OTOF: variants seen among roughly 807,000 people sequenced by gnomAD.
OTOF encodes the protein otoferlin.
In OTOF, 218 loss-of-function variants were observed where a neutral mutation model predicts 236.8. That is an observed-to-expected ratio of 0.92 (90% CI 0.82 to 1.03). The LOEUF is 1.03. Ranked by LOEUF, OTOF falls within the 50% of genes least tolerant of loss-of-function variation. OTOF has a pLI of 0.00. For synonymous variants in OTOF, 1,041 were observed against 1,072.5 expected (o/e 0.97, Z 0.57); for missense variants, 2,590 against 2,694.4 (o/e 0.96, Z 0.86).
In OTOF at chr2:26,479,599, C is replaced by A. The variant is rs541334463; in HGVS notation, c.1967G>T (p.Arg656Leu). Reference sequence around the variant, plus strand: ...TTCTTCCTCATCCCCCGGCTCCTTCCGGGGCCGAGGCCGCTGGGGCCGGGA... The same window carrying A: ...TTCTTCCTCATCCCCCGGCTCCTTCAGGGGCCGAGGCCGCTGGGGCCGGGA... ...GLSRPQRPRP[R>L]KEPGDEEEVD... The change falls in exon 17 of 47, where the codon CGG (arginine) becomes CTG (leucine). Residue 656 changes from arginine to leucine, a missense_variant. Transcript: ENST00000272371. 1 of 1,612,610 alleles carries A rather than the reference C, an allele frequency of 6.2e-7. No individual in the cohort carries two copies.
At chr2:26,552,692 G>C (rs6547103) in intron 1 of OTOF, among the ~76,000 whole-genome samples, 78,712 of 152,014 alleles carry the variant, frequency 0.52, 22,636 homozygotes, top group East Asian at 0.89. Flanking sequence ...CATTCACTAC[G>C]TGGGGCATTA....
At chr2:26,553,651 C>T (rs1407037984) in intron 1 of OTOF, among the ~76,000 whole-genome samples, 1 of 152,316 alleles carries the variant, frequency 6.6e-6, no homozygotes, top group East Asian at 1.9e-4. Context: ...GCCTTTGATC[C>T]TGCCAATGAA....
chr2:26,499,732 C>A (rs1181039900), intron 8 of OTOF, among the ~76,000 whole-genome samples: 1 of 151,996 alleles, frequency 6.6e-6, no homozygotes, highest in African/African-American at 2.4e-5. Flanking sequence ...GCTGGTCTTG[C>A]AATCCACTCA....
intron 3 of OTOF, among the ~76,000 whole-genome samples, chr2:26,524,996 G>A (rs1218575386): frequency 6.6e-6 from 1 of 152,180 alleles, no homozygotes; most frequent in Non-Finnish European, 1.5e-5. Flanking sequence ...CACTTGGTCT[G>A]TGTGTGAGCC....
At chr2:26,544,489 T>C (rs926303091) in intron 1 of OTOF, among the ~76,000 whole-genome samples, 6 of 152,202 alleles carry the variant, frequency 3.9e-5, no homozygotes, top group African/African-American at 7.2e-5. Context: ...TTGTGATTCA[T>C]CCATGTTGTT....
chr2:26,527,873 C>T lies in OTOF; in HGVS notation c.186G>A (p.Leu62=). The T allele has an allele frequency of 6.2e-7, 1 of 1,614,112 alleles. No individual in the cohort carries two copies. Among genetic ancestry groups the T allele is most frequent in the Non-Finnish European group, 8.5e-7 (1 of 1,179,982 alleles). The change falls in exon 3 of 47, where the codon CTG becomes CTA. Residue 62 remains leucine, a synonymous_variant. Coordinates refer to ENST00000272371, the MANE Select transcript of OTOF (RefSeq NM_194248.3). ...TGCTGTAGTTGAAAACCTGAATCTC[C>T]AGCATCTCATTTCTGTCGATGCTGC... is the stretch of plus-strand genomic sequence containing the variant. ...VASSIDRNEM[L]EIQVFNYSKV...
rs1413733356 is a variant in OTOF at position 26,558,653 on chromosome 2, C to T, written c.-82G>A. 8.2e-6 allele frequency: 10 copies of T among 1,220,466 alleles called. No individual in the cohort carries two copies. Among genetic ancestry groups the T allele is most frequent in the African/African-American group, 3.0e-5 (2 of 66,992 alleles). 75.6% of individuals were successfully genotyped at this position (1,220,466 alleles called of 1,614,324 possible). On this transcript the variant is annotated 5_prime_UTR_variant, in exon 1 of 47. Coordinates refer to ENST00000272371, the MANE Select transcript of OTOF (RefSeq NM_194248.3). Reference sequence around the variant, plus strand: ...TGGAGCACGGCTCACACGCCTCTCTCTTCTCTGCCGCTGCCTCCTCCTCCT... The same window carrying T: ...TGGAGCACGGCTCACACGCCTCTCTTTTCTCTGCCGCTGCCTCCTCCTCCT...
At chr2:26,495,136 A>G in intron 8 of OTOF, 63 bp from the exon 9 acceptor site, 1 of 1,585,846 alleles carries the variant, frequency 6.3e-7, no homozygotes, top group South Asian at 1.1e-5. Context: ...CTGGTCCCGC[A>G]GGGGTCCAGG....
chr2:26,517,331 GC>G (rs1666559011), intron 4 of OTOF, among the ~76,000 whole-genome samples: 1 of 152,142 alleles, frequency 6.6e-6, no homozygotes, highest in Non-Finnish European at 1.5e-5. Flanking sequence ...CCCCAGACAG[GC>G]GGCCCTCACT....
At chr2:26,515,962 G>C (rs1407630834) in intron 5 of OTOF, among the ~76,000 whole-genome samples, 2 of 152,306 alleles carry the variant, frequency 1.3e-5, no homozygotes, top group East Asian at 1.9e-4. Context: ...GGCCCAGCCA[G>C]GATCTTTGGC....
chr2:26,542,637 A>G (rs1035529936), intron 1 of OTOF, among the ~76,000 whole-genome samples: 14 of 152,304 alleles, frequency 9.2e-5, no homozygotes, highest in South Asian at 2.1e-4. Flanking sequence ...AGGCAGAGAG[A>G]ACAGTGTAAG....
In OTOF at chr2:26,467,451, C is replaced by T. The variant is rs575722396; in HGVS notation, c.4141G>A (p.Glu1381Lys). The T allele has an allele frequency of 1.5e-5, 24 of 1,614,088 alleles. No homozygotes were observed. In the South Asian group the frequency reaches 1.6e-4, roughly 11 times the overall value. The change falls in exon 34 of 47, where the codon GAG becomes AAG. Residue 1381 changes from glutamate (E) to lysine (K), a missense_variant. Physicochemically the swap from Glu to Lys is moderately conservative, Grantham distance 56 (BLOSUM62 1). This residue lies in a region of OTOF where 1,211 missense variants were observed against 1,352.8 expected (regional missense o/e 0.90). Coordinates refer to ENST00000272371, the MANE Select transcript of OTOF (RefSeq NM_194248.3). ...GAGCTCTGAGTTTTCTTCTTCTTCTCCTCTTTGGCAGCCCTTGCCTTCTCC... is the reference window on the plus strand; with the variant it reads ...GAGCTCTGAGTTTTCTTCTTCTTCTTCTCTTTGGCAGCCCTTGCCTTCTCC... ...GKEKARAAKE[E>K]KKKKTQSSGS...
At chr2:26,511,269 G>A (rs1666382192) in intron 5 of OTOF, among the ~76,000 whole-genome samples, 1 of 152,184 alleles carries the variant, frequency 6.6e-6, no homozygotes, top group Non-Finnish European at 1.5e-5. Context: ...CAGGGCTGGG[G>A]GTCCTGCTAT....
At chr2:26,527,948 C>T (rs752470797) in intron 2 of OTOF, 28 bp from the exon 3 acceptor site, 8 of 1,554,930 alleles carry the variant, frequency 5.1e-6, no homozygotes, top group Middle Eastern at 1.7e-4. Flanking sequence ...ACTGCGGCTT[C>T]GGTGGCAATA....
At position 26,489,753 on chromosome 2, in the gene OTOF, G is replaced by T. The variant is rs1392583456; in HGVS notation, c.898-13C>A. ...CGAAGACGAAGTACTGGAGGGGGAA[G>T]GATCCAGGCCTGCTGTCACTGAGGG... is the stretch of plus-strand genomic sequence containing the variant. On this transcript the variant is annotated splice_polypyrimidine_tract_variant and intron_variant, in intron 9 of 46. Transcript: ENST00000272371. The T allele has an allele frequency of 9.3e-6, 15 of 1,608,310 alleles. No homozygotes were observed. The highest frequency in any genetic ancestry group is 1.3e-5 in the African/African-American group (1 of 74,846).
At chr2:26,544,933 C>T (rs1034012118) in intron 1 of OTOF, among the ~76,000 whole-genome samples, 4 of 151,174 alleles carry the variant, frequency 2.6e-5, no homozygotes, top group East Asian at 1.9e-4. Flanking sequence ...CCCAGCTACT[C>T]GGGAGGCTGA....
At chr2:26,508,007 C>A (rs548922611) in intron 5 of OTOF, among the ~76,000 whole-genome samples, 1 of 152,294 alleles carries the variant, frequency 6.6e-6, no homozygotes, top group East Asian at 1.9e-4. Context: ...ATTCACCAAA[C>A]TAAATTTAGT....
rs34796712 is a variant in OTOF at position 26,470,347 on chromosome 2, T to C, written c.4023+246A>G. The stretch of plus-strand genomic sequence containing the variant: ...CTAGTATGGAGCCTGGCTCATCGCA[T>C]ATACCCAAGAGGCATTTGTGGAATG... On this transcript the variant is annotated intron_variant, in intron 32 of 46. Transcript: ENST00000272371. This position sits in a 1 kb window ranked among gnomAD's most constrained non-coding sequence, Gnocchi z 4.3. Among the ~76,000 whole-genome samples, 51,353 of 151,906 alleles carry C rather than the reference T, an allele frequency of 0.34. 11,407 individuals are homozygous for C. Among genetic ancestry groups the C allele is most frequent in the Middle Eastern group, 0.55 (161 of 294 alleles).
At chr2:26,553,016 G>A (rs757933605) in intron 1 of OTOF, among the ~76,000 whole-genome samples, 1 of 152,192 alleles carries the variant, frequency 6.6e-6, no homozygotes, top group Non-Finnish European at 1.5e-5. Context: ...CGGCAGATAA[G>A]TTTCCAAATA....
Sources: gnomAD v4.1 joint callset for allele counts (sites outside exome capture counted in the v4.1 genomes callset) on GRCh38, gnomAD v4.1.1 for gene constraint, gnomAD v4.1.1 regional missense constraint, Gnocchi (gnomAD v3.1) non-coding constraint, MANE v1.5 for transcripts, NCBI Gene and HGNC (gene_info 2026-07-23, HGNC 2026-07-21) for gene names.